Variants in NDUFB6 observed in about 807,000 individuals in gnomAD.
The protein encoded by NDUFB6 is NADH dehydrogenase [ubiquinone] 1 beta subcomplex subunit 6.
NDUFB6 carries 23 observed loss-of-function variants against 17.5 expected under a neutral mutation model. The observed-to-expected ratio is 1.31, with a 90% CI of 0.94 to 1.86. The LOEUF (loss-of-function observed/expected upper bound fraction) is 1.86. Among genes scored for constraint, NDUFB6 ranks in the 40% most tolerant of loss-of-function variants. The probability of loss-of-function intolerance (pLI) is 0.00; values close to 1 mark genes in which losing one functional copy is unlikely to be tolerated. For missense variants in NDUFB6, 167 were observed against 153.8 expected (o/e 1.09, Z -0.46); for synonymous variants, 60 against 53.5 (o/e 1.12, Z -0.53).
At chr9:32,555,995 C>T (rs1423139606) in intron 3 of NDUFB6, among the ~76,000 whole-genome samples, 2 of 152,242 alleles carry the variant, frequency 1.3e-5, no homozygotes, top group African/African-American at 4.8e-5. Context: ...ATACAGTTAA[C>T]TTGTCTTCTT....
intron 2 of NDUFB6, among the ~76,000 whole-genome samples, chr9:32,560,394 C>T (rs754478948): frequency 1.4e-4 from 22 of 152,120 alleles, no homozygotes; most frequent in Non-Finnish European, 2.4e-4. Flanking sequence ...AATGTCTTTT[C>T]GATCCCAGAA....
At chr9:32,563,258 CTCTT>C (rs754003074) in intron 2 of NDUFB6, among the ~76,000 whole-genome samples, 5 of 152,280 alleles carry the variant, frequency 3.3e-5, no homozygotes, top group African/African-American at 4.8e-5. Context: ...TACAAAGATA[CTCTT>C]TCTCTCTTTG....
chr9:32,555,376 C>A (rs1374602028), intron 3 of NDUFB6, among the ~76,000 whole-genome samples: 1 of 152,190 alleles, frequency 6.6e-6, no homozygotes, highest in Admixed American at 6.5e-5. Context: ...GGGACACAGC[C>A]CTATGGCAAA....
rs765272206 is a variant in NDUFB6, at chr9:32,570,932, AAATG to A, written c.273+24_273+27del. On this transcript the variant is annotated intron_variant, in intron 2 of 3. Transcript: ENST00000379847. ...AGAAAGTAATTTTGGACAATATTAAAAATGAATTCTGAAAAGGACATACTTACAG... is the reference window on the plus strand; with the variant it reads ...AGAAAGTAATTTTGGACAATATTAAAAATTCTGAAAAGGACATACTTACAG... 7.5e-6 allele frequency: 11 copies of A among 1,474,766 alleles called. No homozygotes were observed. The South Asian group carries it at 1.3e-4, about 18-fold the overall frequency. 91.4% of individuals were successfully genotyped at this position (1,474,766 alleles called of 1,614,324 possible). A position where few individuals can be genotyped will look rare whatever the true frequency, so the allele number is the denominator to read the frequency against.
chr9:32,557,246 C>T (rs1181725234), intron 3 of NDUFB6, among the ~76,000 whole-genome samples: 2 of 149,992 alleles, frequency 1.3e-5, no homozygotes, highest in Non-Finnish European at 3.0e-5. Context: ...CACACTGCAA[C>T]TTCTGCCTTC....
chr9:32,558,445 A>T (rs763534270), intron 3 of NDUFB6, among the ~76,000 whole-genome samples: 2 of 152,208 alleles, frequency 1.3e-5, no homozygotes, highest in Non-Finnish European at 2.9e-5. Flanking sequence ...ATTAGTGGAT[A>T]TTAAATTCAC....
intron 2 of NDUFB6, among the ~76,000 whole-genome samples, chr9:32,560,834 A>G (rs1821604521): frequency 6.6e-6 from 1 of 152,218 alleles, no homozygotes; most frequent in South Asian, 2.1e-4. Context: ...AGTTTAATAG[A>G]ATTTTAAAAC....
At chr9:32,572,146 T>G (rs936839041) in intron 1 of NDUFB6, among the ~76,000 whole-genome samples, 1 of 152,182 alleles carries the variant, frequency 6.6e-6, no homozygotes, top group African/African-American at 2.4e-5. Flanking sequence ...CAAGCACCCG[T>G]GTGTTACGTA....
chr9:32,563,467 TCCTGAACAGGTGGGAC>T (rs1372483167), intron 2 of NDUFB6, among the ~76,000 whole-genome samples: 1 of 136,928 alleles, frequency 7.3e-6, no homozygotes, highest in African/African-American at 2.7e-5. Context: ...TGCTTCAGCC[TCCTGAACAGGTGGGAC>T]TATTGGGCTT....
At chr9:32,568,985 G>A (rs1383520499) in intron 2 of NDUFB6, among the ~76,000 whole-genome samples, 3 of 151,564 alleles carry the variant, frequency 2.0e-5, no homozygotes, top group East Asian at 2.0e-4. Context: ...TCCTGACCTC[G>A]TGATCCACCT....
intron 2 of NDUFB6, chr9:32,568,650 ATATATATG>A (rs1384973223): frequency 2.4e-5 from 4 of 166,822 alleles, no homozygotes; most frequent in South Asian, 2.0e-4. Flanking sequence ...ATATACATAT[ATATATATG>A]TATATATGTA....
In NDUFB6 at chr9:32,571,059, G is replaced by A. The variant is rs1187937613; in HGVS notation, c.181-7C>T. 1.9e-6 allele frequency: 3 copies of A among 1,564,522 alleles called. No homozygotes were observed. The highest frequency in any genetic ancestry group is 2.6e-6 in the Non-Finnish European group (3 of 1,145,624). Reference sequence around the variant, plus strand: ...TTTTGTATACCCCATGGACCTGGGGGGAAAAACACATACACAAAATAAACA... The same window carrying A: ...TTTTGTATACCCCATGGACCTGGGGAGAAAAACACATACACAAAATAAACA... On this transcript the variant is annotated splice_polypyrimidine_tract_variant and splice_region_variant and intron_variant, in intron 1 of 3. Coordinates refer to ENST00000379847, the MANE Select transcript of NDUFB6 (RefSeq NM_002493.5).
chr9:32,564,779 T>C (rs564541119), intron 2 of NDUFB6, among the ~76,000 whole-genome samples: 106 of 152,284 alleles, frequency 7.0e-4, no homozygotes, highest in African/African-American at 2.4e-3. Context: ...CAGCTGCCAG[T>C]GCACTGAACA....
chr9:32,569,223 T>C (rs1028959650), intron 2 of NDUFB6, among the ~76,000 whole-genome samples: 1 of 152,104 alleles, frequency 6.6e-6, no homozygotes, highest in Non-Finnish European at 1.5e-5. Context: ...TTTTGTTTTT[T>C]TCTTTTTCTT....
At chr9:32,565,792 C>T (rs748544970) in intron 2 of NDUFB6, among the ~76,000 whole-genome samples, 3 of 151,966 alleles carry the variant, frequency 2.0e-5, no homozygotes, top group East Asian at 1.9e-4. Flanking sequence ...ACCAACATGG[C>T]GAAACCCTGT....
chr9:32,557,044 G>C (rs900421174), intron 3 of NDUFB6, among the ~76,000 whole-genome samples: 4 of 150,624 alleles, frequency 2.7e-5, no homozygotes, highest in African/African-American at 7.3e-5. Context: ...TAATAGTAGA[G>C]ATGGAGTTTC....
intron 1 of NDUFB6, among the ~76,000 whole-genome samples, chr9:32,572,261 G>A (rs1196527532): frequency 6.6e-6 from 1 of 152,120 alleles, no homozygotes; most frequent in African/African-American, 2.4e-5. Flanking sequence ...ATACCCAGAG[G>A]CCTTGAAAAT....
chr9:32,564,140 A>G (rs1821708620), intron 2 of NDUFB6, among the ~76,000 whole-genome samples: 1 of 152,206 alleles, frequency 6.6e-6, no homozygotes, highest in Non-Finnish European at 1.5e-5. Context: ...ACAAACACGC[A>G]TGCACACATC....
intron 3 of NDUFB6, among the ~76,000 whole-genome samples, chr9:32,556,777 T>A (rs745422601): frequency 5.3e-5 from 8 of 151,590 alleles, no homozygotes; most frequent in Non-Finnish European, 7.4e-5. Context: ...GATAATTTCC[T>A]ATTTTGAGAC....
Sources: gnomAD v4.1 joint callset for allele counts (sites outside exome capture counted in the v4.1 genomes callset) on GRCh38, gnomAD v4.1.1 for gene constraint, MANE v1.5 for transcripts, NCBI Gene and HGNC (gene_info 2026-07-23, HGNC 2026-07-21) for gene names.